The following ERGIC2 variants were observed in gnomAD, a reference collection of about 807,000 sequenced individuals.
The protein encoded by ERGIC2 is endoplasmic reticulum-Golgi intermediate compartment protein 2.
In ERGIC2, 31 loss-of-function variants were observed where a neutral mutation model predicts 52.5. The observed-to-expected ratio is 0.59, with a 90% CI of 0.44 to 0.80. The LOEUF (loss-of-function observed/expected upper bound fraction) is 0.80, where lower values mean the gene tolerates loss of function less well. Among genes scored for constraint, ERGIC2 ranks in the 30% least tolerant of loss-of-function variants. ERGIC2 has a pLI of 0.00. For missense variants in ERGIC2, 395 were observed against 455.2 expected (o/e 0.87, Z 1.20); for synonymous variants, 129 against 140.6 (o/e 0.92, Z 0.58).
At chr12:29,351,644 G>A (rs1423870679) in intron 8 of ERGIC2, among the ~76,000 whole-genome samples, 1 of 152,126 alleles carries the variant, frequency 6.6e-6, no homozygotes, top group Non-Finnish European at 1.5e-5. Flanking sequence ...CTTGAAGAAG[G>A]CTAGTCATCT....
At position 29,341,145 on chromosome 12, in the gene ERGIC2, A is replaced by G. The variant is rs749176009; in HGVS notation, c.*11T>C. ...TCAGGCAAAAAGTTTTTCTCCTTCA[A>G]TCGGGAGGTGTTAATGTGTATTATT... On this transcript the variant is annotated 3_prime_UTR_variant, in exon 14 of 14. Transcript: ENST00000360150. The G allele has an allele frequency of 9.4e-6, 15 of 1,599,262 alleles. No individual in the cohort carries two copies. The highest frequency in any genetic ancestry group is 2.3e-5 in the East Asian group (1 of 44,380).
rs1009208280 is a variant in ERGIC2, at chr12:29,341,370, T to G, written c.1072-152A>C. On this transcript the variant is annotated intron_variant, in intron 13 of 13. Coordinates refer to ENST00000360150, the MANE Select transcript of ERGIC2 (RefSeq NM_016570.3). ...CTCTCCCCCTATTTCTCTATCTCTCTATCTCTATCTTTTTTGAGGCAGGGT... is the reference window on the plus strand; with the variant it reads ...CTCTCCCCCTATTTCTCTATCTCTCGATCTCTATCTTTTTTGAGGCAGGGT... 5.9e-6 allele frequency: 4 copies of G among 678,286 alleles called. No individual in the cohort carries two copies. In the African/African-American group the frequency reaches 7.3e-5, roughly 12 times the overall value. The allele number at this position is 678,286 out of a possible 1,614,324, so 42.0% of individuals were successfully genotyped here.
At chr12:29,365,924 G>A (rs972200018) in intron 5 of ERGIC2, among the ~76,000 whole-genome samples, 1 of 151,920 alleles carries the variant, frequency 6.6e-6, no homozygotes, top group African/African-American at 2.4e-5. Context: ...TGTTTCTGTA[G>A]AAATTTCTAT....
At chr12:29,365,685 A>T (rs1043854816) in intron 5 of ERGIC2, among the ~76,000 whole-genome samples, 1 of 150,864 alleles carries the variant, frequency 6.6e-6, no homozygotes, top group Non-Finnish European at 1.5e-5. Context: ...AAAAAAAAAA[A>T]ACAAAGTTAA....
rs140668927 is a variant in ERGIC2 at position 29,375,239 on chromosome 12, G to A, written c.-37-3569C>T. On this transcript the variant is annotated intron_variant, in intron 1 of 13. Coordinates refer to ENST00000360150, the MANE Select transcript of ERGIC2 (RefSeq NM_016570.3). Reference sequence around the variant, plus strand: ...TTCAAAGTCTATCTGCTTCTAGAACGTTGTACCTTTATCACACTATTTCTA... The same window carrying A: ...TTCAAAGTCTATCTGCTTCTAGAACATTGTACCTTTATCACACTATTTCTA... Among the ~76,000 whole-genome samples, 523 of 152,264 alleles carry A rather than the reference G, an allele frequency of 3.4e-3. 1 individual carries two copies. Among genetic ancestry groups the A allele is most frequent in the Non-Finnish European group, 4.4e-3 (297 of 68,004 alleles).
chr12:29,368,592 C>T (rs1000837848), intron 3 of ERGIC2, among the ~76,000 whole-genome samples: 2 of 151,858 alleles, frequency 1.3e-5, no homozygotes, highest in East Asian at 3.8e-4. Flanking sequence ...TCTCTATTTA[C>T]ATAAACTTTT....
At chr12:29,376,695 C>T (rs1013545793) in intron 1 of ERGIC2, among the ~76,000 whole-genome samples, 2 of 152,112 alleles carry the variant, frequency 1.3e-5, no homozygotes, top group Admixed American at 6.5e-5. Flanking sequence ...TAAATCCTAC[C>T]AGATACCCAA....
intron 1 of ERGIC2, among the ~76,000 whole-genome samples, chr12:29,377,260 T>A (rs559021461): frequency 6.6e-6 from 1 of 152,192 alleles, no homozygotes; most frequent in African/African-American, 2.4e-5. Flanking sequence ...AAAACAAACA[T>A]AAATAAACTC....
chr12:29,355,032 T>C (rs1217588994), intron 8 of ERGIC2, among the ~76,000 whole-genome samples: 1 of 152,190 alleles, frequency 6.6e-6, no homozygotes, highest in Admixed American at 6.5e-5. Flanking sequence ...TACTTTTTCA[T>C]AGAAATCTAA....
rs371163869 is a variant in ERGIC2, at chr12:29,369,302, T to C, written c.215+812A>G. On this transcript the variant is annotated intron_variant, in intron 3 of 13. Transcript: ENST00000360150. ...GGTGCTGAAAACAACAACAAATTCT[T>C]TGAAAACCAATACTATCCTGAATAG... Among the ~76,000 whole-genome samples, 402 of 152,018 alleles carry C rather than the reference T, an allele frequency of 2.6e-3. 3 individuals carry two copies. The highest frequency in any genetic ancestry group is 9.2e-3 in the African/African-American group (382 of 41,508).
chr12:29,338,433 C>T lies in ERGIC2; in HGVS notation c.*2723G>A, dbSNP rs922629880. On this transcript the variant is annotated 3_prime_UTR_variant, in exon 14 of 14. Transcript: ENST00000360150. ...ACTAAGGTGGGAGGATTACTTGAGT[C>T]CGGGAGTTGGAGTCCAGCTTGAACA... 2 of 151,916 alleles carry T rather than the reference C, an allele frequency of 1.3e-5. No homozygotes were observed. Among genetic ancestry groups the T allele is most frequent in the African/African-American group, 2.4e-5 (1 of 41,346 alleles). 9.4% of individuals were successfully genotyped at this position (151,916 alleles called of 1,614,324 possible).
chr12:29,369,179 A>G (rs1352581375), intron 3 of ERGIC2, among the ~76,000 whole-genome samples: 18 of 151,998 alleles, frequency 1.2e-4, no homozygotes, highest in Admixed American at 1.2e-3. Context: ...AACCAGGAGT[A>G]GGCCAAGTAG....
chr12:29,343,619 G>T (rs1173594093), intron 11 of ERGIC2, among the ~76,000 whole-genome samples: 1 of 152,054 alleles, frequency 6.6e-6, no homozygotes, highest in East Asian at 1.9e-4. Flanking sequence ...CAAGCTTTAG[G>T]AATACAAATA....
rs750899125 is a variant in ERGIC2, at chr12:29,371,575, G to A, written c.59C>T (p.Pro20Leu). ...CTCTACATAGCTCTCAGGAACCTTC[G>A]GAAAGGCATCCAACTCTTTTACCAA... ...LSLVKELDAF[P>L]KVPESYVETS... is the part of the protein sequence containing the mutation. Residue 20 changes from proline to leucine, a missense_variant, in exon 2 of 14, where the codon CCG becomes CTG. Coordinates refer to ENST00000360150, the MANE Select transcript of ERGIC2 (RefSeq NM_016570.3). 7 of 1,613,224 alleles carry A rather than the reference G, an allele frequency of 4.3e-6. No homozygotes were observed. The highest frequency in any genetic ancestry group is 1.7e-5 in the Admixed American group (1 of 59,924).
intron 10 of ERGIC2, among the ~76,000 whole-genome samples, chr12:29,346,997 A>T (rs1338818063): frequency 1.3e-5 from 2 of 152,216 alleles, no homozygotes; most frequent in African/African-American, 4.8e-5. Flanking sequence ...TAAGTGGCAG[A>T]GTGAGAACTT....
At chr12:29,369,782 T>C (rs1345178334) in intron 3 of ERGIC2, among the ~76,000 whole-genome samples, 2 of 151,956 alleles carry the variant, frequency 1.3e-5, no homozygotes, top group South Asian at 2.1e-4. Flanking sequence ...GACAACTTAT[T>C]TTCCAGCTCA....
chr12:29,364,978 T>G (rs1472128630), intron 5 of ERGIC2, among the ~76,000 whole-genome samples: 1 of 149,628 alleles, frequency 6.7e-6, no homozygotes, highest in African/African-American at 2.4e-5. Context: ...TTGGAGAGGC[T>G]GTGGAGAAAA....
chr12:29,355,499 GA>G (rs1258970747), intron 8 of ERGIC2, among the ~76,000 whole-genome samples: 1 of 152,082 alleles, frequency 6.6e-6, no homozygotes, highest in Non-Finnish European at 1.5e-5. Context: ...ACTCTATATG[GA>G]AAAGAAGGGA....
At chr12:29,376,315 C>T (rs1940514054) in intron 1 of ERGIC2, among the ~76,000 whole-genome samples, 1 of 152,256 alleles carries the variant, frequency 6.6e-6, no homozygotes, top group Non-Finnish European at 1.5e-5. Context: ...ATTCTCACTT[C>T]CGTACTTGTT....
Sources: gnomAD v4.1 joint callset for allele counts (sites outside exome capture counted in the v4.1 genomes callset) on GRCh38, gnomAD v4.1.1 for gene constraint, MANE v1.5 for transcripts, NCBI Gene and HGNC (gene_info 2026-07-23, HGNC 2026-07-21) for gene names.